The following TAF2 variants were observed in gnomAD, a reference collection of about 807,000 sequenced individuals.
The protein encoded by TAF2 is TATA-box binding protein associated factor 2.
Under a neutral mutation model 138.5 loss-of-function variants are expected in TAF2, and 61 were observed. The observed-to-expected ratio is 0.44, with a 90% CI of 0.36 to 0.54. The LOEUF is 0.54. Among genes scored for constraint, TAF2 ranks in the 20% least tolerant of loss-of-function variants. The pLI is 0.00. For synonymous variants in TAF2, 475 were observed against 469.9 expected, an observed-to-expected ratio of 1.01 and a Z score of -0.14; for missense variants, 1,090 against 1,427.9, an observed-to-expected ratio of 0.76 and a Z score of 3.81.
intron 25 of TAF2, among the ~76,000 whole-genome samples, chr8:119,735,908 C>A (rs938780901): frequency 4.6e-5 from 7 of 152,162 alleles, no homozygotes; most frequent in South Asian, 2.1e-4. Flanking sequence ...TGAACAAATT[C>A]TTTTAGCTTC....
At chr8:119,737,710 T>C (rs1394639902) in intron 25 of TAF2, among the ~76,000 whole-genome samples, 1 of 151,980 alleles carries the variant, frequency 6.6e-6, no homozygotes. Flanking sequence ...GATTTCACCA[T>C]GTTGGCCAGG....
chr8:119,830,591 C>T (rs1047941429), intron 2 of TAF2, among the ~76,000 whole-genome samples: 11 of 152,106 alleles, frequency 7.2e-5, no homozygotes, highest in Middle Eastern at 3.2e-3. Flanking sequence ...AACGAGGAGA[C>T]TAAATTTAAT....
In TAF2 at chr8:119,732,948, C is replaced by T. The variant is rs28550185; in HGVS notation, c.3338-762G>A. ...CCTTGAACAACATGGGTTTGAACTG[C>T]GTGAGCCCATTTATATGTGAACTTT... is the stretch of plus-strand genomic sequence containing the variant. On this transcript the variant is annotated intron_variant, in intron 25 of 25. Coordinates refer to ENST00000378164, the MANE Select transcript of TAF2 (RefSeq NM_003184.4). Among the ~76,000 whole-genome samples, 10 of 152,126 alleles carry T rather than the reference C, an allele frequency of 6.6e-5. No homozygotes were observed. The South Asian group carries it at 8.3e-4, about 13-fold the overall frequency.
chr8:119,819,456 G>C lies in TAF2; in HGVS notation c.189C>G (p.Ile63Met). The change falls in exon 3 of 26, where the codon ATC (isoleucine) becomes ATG (methionine). Residue 63 changes from isoleucine to methionine, a missense_variant. Physicochemically the swap from Ile to Met is conservative, Grantham distance 10. Transcript: ENST00000378164. ...IFPTVANLNR[I>M]KLNSKQCRIY... Reference sequence around the variant, plus strand: ...TTCTACACTGTTTGCTGTTCAACTTGATTCTATTCAAGTTTGCAACTGTGG... The same window carrying C: ...TTCTACACTGTTTGCTGTTCAACTTCATTCTATTCAAGTTTGCAACTGTGG... 1 of 1,611,304 alleles carries C rather than the reference G, an allele frequency of 6.2e-7. No individual in the cohort carries two copies. The highest frequency in any genetic ancestry group is 8.5e-7 in the Non-Finnish European group (1 of 1,179,450).
rs761158231 is a variant in TAF2 at position 119,756,091 on chromosome 8, A to T, written c.2793T>A (p.Thr931=). 60 of 1,613,484 alleles carry T rather than the reference A, an allele frequency of 3.7e-5. No homozygotes were observed. Among genetic ancestry groups the T allele is most frequent in the Non-Finnish European group, 4.8e-5 (57 of 1,179,782 alleles). ...TGTTCTTAGTAAATGGTGGGTTCTT[A>T]GTCAACATGTTGAGAATCTTATGCC... ...YVRHKILNML[T]KNPPFTKNME... is the part of the protein sequence containing the mutation. The change falls in exon 22 of 26, where the codon ACT becomes ACA. Residue 931 remains threonine (T), a synonymous_variant. Transcript: ENST00000378164.
At chr8:119,787,632 C>A (rs577817348) in intron 14 of TAF2, among the ~76,000 whole-genome samples, 2 of 152,338 alleles carry the variant, frequency 1.3e-5, no homozygotes, top group South Asian at 2.1e-4. Context: ...TGCTTTTACA[C>A]TGTTGGTGGA....
chr8:119,735,136 G>T (rs1819142308), intron 25 of TAF2, among the ~76,000 whole-genome samples: 1 of 152,238 alleles, frequency 6.6e-6, no homozygotes, highest in Non-Finnish European at 1.5e-5. Context: ...TAACCACGAT[G>T]CTACAGTGTT....
At chr8:119,827,114 G>T (rs1826150937) in intron 2 of TAF2, among the ~76,000 whole-genome samples, 1 of 152,124 alleles carries the variant, frequency 6.6e-6, no homozygotes, top group Admixed American at 6.5e-5. Flanking sequence ...AACCACCTGA[G>T]CCCAGGGAGG....
intron 25 of TAF2, among the ~76,000 whole-genome samples, chr8:119,737,511 CTTT>C (rs34513662): frequency 2.2e-5 from 3 of 137,346 alleles, no homozygotes; most frequent in Non-Finnish European, 3.1e-5. Context: ...TTTTCTTTTT[CTTT>C]TTTTTTTTTT....
chr8:119,747,045 C>G (rs1820026441), intron 22 of TAF2, 111 bp from the exon 23 acceptor site: 2 of 1,095,578 alleles, frequency 1.8e-6, no homozygotes, highest in East Asian at 5.1e-5. Flanking sequence ...AAACCTTTAT[C>G]ACACCTTTCA....
At chr8:119,788,499 A>G in intron 13 of TAF2, 52 bp from the exon 14 acceptor site, 1 of 1,295,778 alleles carries the variant, frequency 7.7e-7, no homozygotes, top group African/African-American at 1.4e-5. Flanking sequence ...AAATACCAAT[A>G]TGTATGCTTA....
At chr8:119,788,187 T>C (rs1219120977) in intron 14 of TAF2, 151 bp downstream of exon 14, 7 of 659,710 alleles carry the variant, frequency 1.1e-5, no homozygotes, top group African/African-American at 1.8e-5. Flanking sequence ...TGTACACCTA[T>C]GTAACAAACC....
chr8:119,776,000 T>C (rs1397356130), intron 18 of TAF2, among the ~76,000 whole-genome samples: 1 of 152,004 alleles, frequency 6.6e-6, no homozygotes, highest in Non-Finnish European at 1.5e-5. Context: ...AGCAAAACAA[T>C]AATGAAAGAA....
chr8:119,821,304 T>G (rs1825792533), intron 2 of TAF2, among the ~76,000 whole-genome samples: 1 of 152,332 alleles, frequency 6.6e-6, no homozygotes, highest in South Asian at 2.1e-4. Flanking sequence ...CACTCCTTGC[T>G]TCTTGCTCTC....
In TAF2 at chr8:119,748,858, G is replaced by T. The variant is rs544244160; in HGVS notation, c.2879-1924C>A. ...CTGGCAACCCAGAGCAGCTGGCCCT[G>T]TATCTCTCTATCCATGGGTATAGCA... On this transcript the variant is annotated intron_variant, in intron 22 of 25. Transcript: ENST00000378164. Among the ~76,000 whole-genome samples, 12 of 151,706 alleles carry T rather than the reference G, an allele frequency of 7.9e-5. No homozygotes were observed. In the East Asian group the frequency reaches 2.3e-3, roughly 29 times the overall value.
chr8:119,757,929 C>G, intron 21 of TAF2, 144 bp downstream of exon 21: 1 of 748,304 alleles, frequency 1.3e-6, no homozygotes, highest in East Asian at 2.6e-5. Context: ...TGTTGAAAAT[C>G]AAATTTAAAA....
chr8:119,775,864 C>A (rs1221338439), intron 18 of TAF2, among the ~76,000 whole-genome samples: 2 of 152,086 alleles, frequency 1.3e-5, no homozygotes, highest in African/African-American at 4.8e-5. Context: ...ACTTAGCCAC[C>A]TATCTATTGA....
chr8:119,798,459 A>C (rs1021411162), intron 6 of TAF2, among the ~76,000 whole-genome samples: 23 of 152,218 alleles, frequency 1.5e-4, no homozygotes, highest in African/African-American at 3.6e-4. Context: ...TCTGTGCCAA[A>C]TGAGTGCCAT....
chr8:119,797,536 A>G, intron 7 of TAF2, 126 bp downstream of exon 7: 2 of 961,114 alleles, frequency 2.1e-6, no homozygotes, highest in African/African-American at 3.3e-5. Flanking sequence ...AATTTTGTAC[A>G]AAGCCAATCA....
Sources: allele counts gnomAD v4.1 joint callset (sites outside exome capture counted in the v4.1 genomes callset), GRCh38; gene constraint gnomAD v4.1.1; transcripts MANE v1.5; gene names NCBI Gene and HGNC (gene_info 2026-07-23, HGNC 2026-07-21).